The following SLC52A1 variants were observed in gnomAD, a reference collection of about 807,000 sequenced individuals.
The protein encoded by SLC52A1 is solute carrier family 52, riboflavin transporter, member 1.
Under a neutral mutation model 23.2 loss-of-function variants are expected in SLC52A1, and 20 were observed. The ratio of observed to expected loss-of-function variants is 0.86; its 90% confidence interval spans 0.61 to 1.25. SLC52A1 has a LOEUF of 1.25. SLC52A1 is among the 50% of genes most tolerant of loss of function. The probability of loss-of-function intolerance (pLI) is 0.00; values close to 1 mark genes in which losing one functional copy is unlikely to be tolerated. For missense variants in SLC52A1, 528 were observed against 557.0 expected, an observed-to-expected ratio of 0.95 and a Z score of 0.52; for synonymous variants, 260 against 256.6, an observed-to-expected ratio of 1.01 and a Z score of -0.13.
upstream of SLC52A1, among the ~76,000 whole-genome samples, chr17:5,038,732 G>A (rs1341845844): frequency 8.6e-5 from 13 of 151,736 alleles, no homozygotes; most frequent in African/African-American, 2.2e-4. Flanking sequence ...GACTACAGGC[G>A]CCCACCACCA....
rs2304445 is a variant in SLC52A1 at position 5,033,603 on chromosome 17, C to T, written c.886G>A (p.Val296Met). The change falls in exon 3 of 5, where the codon GTG (valine) becomes ATG (methionine). Residue 296 changes from valine to methionine, a missense_variant. By Grantham distance (21) the Val-to-Met change is conservative (BLOSUM62 1). Coordinates refer to ENST00000254853, the MANE Select transcript of SLC52A1 (RefSeq NM_017986.4). ...MAFTSAVTNG[V>M]LPSVQSFSCL... ...GAAAAGCTCTGCACAGAAGGCAGCACGCCATTGGTCACGGCACTGGTGAAG... is the reference window on the plus strand; with the variant it reads ...GAAAAGCTCTGCACAGAAGGCAGCATGCCATTGGTCACGGCACTGGTGAAG... The T allele has an allele frequency of 0.2, 326,378 of 1,613,764 alleles. 40,506 individuals carry two copies. The highest frequency in any genetic ancestry group is 0.51 in the East Asian group (22,662 of 44,864).
chr17:5,038,924 CATAA>C (rs1159938036), upstream of SLC52A1, among the ~76,000 whole-genome samples: 1 of 152,096 alleles, frequency 6.6e-6, no homozygotes, highest in Non-Finnish European at 1.5e-5. Flanking sequence ...CAGGTACTGG[CATAA>C]ATATTTAAAA....
upstream of SLC52A1, among the ~76,000 whole-genome samples, chr17:5,039,566 G>A (rs1014413065): frequency 1.5e-4 from 23 of 151,818 alleles, no homozygotes; most frequent in Non-Finnish European, 2.9e-5. Flanking sequence ...CCGCCTCCTG[G>A]GTTCAAGTGA....
intron 1 of SLC52A1, among the ~76,000 whole-genome samples, chr17:5,040,812 T>G (rs1975534564): frequency 6.6e-6 from 1 of 151,964 alleles, no homozygotes; most frequent in Non-Finnish European, 1.5e-5. Context: ...TTTTTTTTTT[T>G]TGAGATGGAG....
At chr17:5,036,040 CTT>C (rs34027393), upstream of SLC52A1, among the ~76,000 whole-genome samples, 76 of 69,788 alleles carry the variant, frequency 1.1e-3, 1 homozygote, top group Admixed American at 2.0e-3. Flanking sequence ...TGTTTTTACA[CTT>C]TTTTTTTTTT....
At position 5,034,109 on chromosome 17, in the gene SLC52A1, G is replaced by T; in HGVS notation, c.380C>A (p.Thr127Asn). 6.2e-7 allele frequency: 1 copy of T among 1,614,198 alleles called. No individual in the cohort carries two copies. The highest frequency in any genetic ancestry group is 8.5e-7 in the Non-Finnish European group (1 of 1,180,026). The change falls in exon 3 of 5, where the codon ACC becomes AAC. Residue 127 changes from threonine (T) to asparagine (N), a missense_variant. Physicochemically the swap from Thr to Asn is moderately conservative, Grantham distance 65. Coordinates refer to ENST00000254853, the MANE Select transcript of SLC52A1 (RefSeq NM_017986.4). ...LALVLAMACC[T>N]SNVTFLPFLS... ...GAAGGGCAGGAAAGTGACATTAGAG[G>T]TACAACAGGCCATTGCCAACACCAA...
upstream of SLC52A1, among the ~76,000 whole-genome samples, chr17:5,036,688 A>C (rs991038479): frequency 6.6e-6 from 1 of 152,112 alleles, no homozygotes; most frequent in East Asian, 1.9e-4. Context: ...CTGGGATTAC[A>C]GGCGTGAGCC....
upstream of SLC52A1, among the ~76,000 whole-genome samples, chr17:5,037,456 T>C (rs1975484487): frequency 6.6e-6 from 1 of 151,856 alleles, no homozygotes; most frequent in Non-Finnish European, 1.5e-5. Flanking sequence ...GAGGTGGAGG[T>C]TGCAGTGAGC....
chr17:5,033,225 C>T, intron 4 of SLC52A1, 36 bp downstream of exon 4: 1 of 1,612,636 alleles, frequency 6.2e-7, no homozygotes. Context: ...CTCCAGGGGA[C>T]ACCCTCCTCC....
In SLC52A1 at chr17:5,034,087, G is replaced by A. The variant is rs1975397398; in HGVS notation, c.402C>T (p.Pro134=). ...ACCTSNVTFL[P]FLSHLPPPFL... is the part of the protein sequence containing the mutation. ...AAGGAGGTGGCAGGTGGCTCAGGAA[G>A]GGCAGGAAAGTGACATTAGAGGTAC... is the stretch of plus-strand genomic sequence containing the variant. The change falls in exon 3 of 5, where the codon CCC becomes CCT. Residue 134 remains proline (P), a synonymous_variant. Coordinates refer to ENST00000254853, the MANE Select transcript of SLC52A1 (RefSeq NM_017986.4). The A allele has an allele frequency of 1.2e-6, 2 of 1,614,082 alleles. No homozygotes were observed. The highest frequency in any genetic ancestry group is 1.7e-5 in the Admixed American group (1 of 60,002).
At position 5,032,856 on chromosome 17, in the gene SLC52A1, C is replaced by T. The variant is rs1975342676; in HGVS notation, c.*101G>A. ...AGTGTGCAGGTGTCCATGAGCGTTCCTGTGTTGGGGGAAGCCTGCCTGGGC... is the reference window on the plus strand; with the variant it reads ...AGTGTGCAGGTGTCCATGAGCGTTCTTGTGTTGGGGGAAGCCTGCCTGGGC... On this transcript the variant is annotated 3_prime_UTR_variant, in exon 5 of 5. Transcript: ENST00000254853. 9.1e-7 allele frequency: 1 copy of T among 1,096,068 alleles called. No homozygotes were observed. The highest frequency in any genetic ancestry group is 2.5e-5 in the East Asian group (1 of 40,466). 67.9% of individuals were successfully genotyped at this position (1,096,068 alleles called of 1,614,324 possible). A position where few individuals can be genotyped will look rare whatever the true frequency, so the allele number is the denominator to read the frequency against.
upstream of SLC52A1, among the ~76,000 whole-genome samples, chr17:5,038,297 T>A (rs1975501784): frequency 1.3e-5 from 2 of 151,702 alleles, no homozygotes; most frequent in Non-Finnish European, 2.9e-5. Flanking sequence ...GAGCCTGAGG[T>A]GAGAGGATCA....
upstream of SLC52A1, among the ~76,000 whole-genome samples, chr17:5,037,333 A>G (rs1289584622): frequency 1.3e-5 from 2 of 152,144 alleles, no homozygotes; most frequent in Non-Finnish European, 2.9e-5. Context: ...CAGCCTGGCC[A>G]ACATGGTGAA....
upstream of SLC52A1, among the ~76,000 whole-genome samples, chr17:5,036,192 C>T (rs1384974127): frequency 9.4e-5 from 14 of 149,440 alleles, no homozygotes; most frequent in African/African-American, 3.4e-4. Context: ...CCACCATGCC[C>T]TGCTAATTTT....
At chr17:5,036,038 CACTTTT>C (rs1975447844), upstream of SLC52A1, among the ~76,000 whole-genome samples, 1 of 119,956 alleles carries the variant, frequency 8.3e-6, no homozygotes, top group Non-Finnish European at 1.7e-5. Context: ...GCTGTTTTTA[CACTTTT>C]TTTTTTTTTT....
chr17:5,032,924 G>C lies in SLC52A1; in HGVS notation c.*33C>G, dbSNP rs1345486964. ...TGTGGCAGCCTCACGATGAAGACAG[G>C]TGGGGTGGAGTTGGGTCCCCACCTG... On this transcript the variant is annotated 3_prime_UTR_variant, in exon 5 of 5. Transcript: ENST00000254853. The C allele has an allele frequency of 1.9e-6, 3 of 1,586,386 alleles. No individual in the cohort carries two copies. The highest frequency in any genetic ancestry group is 2.6e-6 in the Non-Finnish European group (3 of 1,156,916).
intron 1 of SLC52A1, among the ~76,000 whole-genome samples, chr17:5,041,040 C>T (rs1004348421): frequency 4.6e-5 from 7 of 151,970 alleles, no homozygotes; most frequent in African/African-American, 1.7e-4. Flanking sequence ...CGTGATCCAC[C>T]CGCCTCGGCC....
At chr17:5,041,462 T>C (rs555611709) in intron 1 of SLC52A1, among the ~76,000 whole-genome samples, 2 of 151,598 alleles carry the variant, frequency 1.3e-5, no homozygotes, top group African/African-American at 4.8e-5. Context: ...TTTTTTTGTT[T>C]CTTTGTTTTG....
upstream of SLC52A1, among the ~76,000 whole-genome samples, chr17:5,038,354 T>C (rs1975502094): frequency 6.6e-6 from 1 of 151,754 alleles, no homozygotes; most frequent in Admixed American, 6.6e-5. Flanking sequence ...ATTATGCCAC[T>C]GCACTCCAGC....
Sources: allele counts gnomAD v4.1 joint callset (sites outside exome capture counted in the v4.1 genomes callset), GRCh38; gene constraint gnomAD v4.1.1; transcripts MANE v1.5; gene names NCBI Gene and HGNC (gene_info 2026-07-23, HGNC 2026-07-21).